Variants in WDR27 observed in about 807,000 individuals in gnomAD.
The protein encoded by WDR27 is WD repeat-containing protein 27.
In WDR27, 100 loss-of-function variants were observed where a neutral mutation model predicts 114.4. The observed-to-expected ratio is 0.87, with a 90% CI of 0.74 to 1.03. The LOEUF (loss-of-function observed/expected upper bound fraction) is 1.03, where lower values mean the gene tolerates loss of function less well. Among genes scored for constraint, WDR27 ranks in the 50% least tolerant of loss-of-function variants. The probability of loss-of-function intolerance (pLI) is 0.00; values close to 1 mark genes in which losing one functional copy is unlikely to be tolerated. For missense variants in WDR27, 1,129 were observed against 1,092.9 expected (o/e 1.03, Z -0.47); for synonymous variants, 449 against 423.1 (o/e 1.06, Z -0.75).
At chr6:169,562,500 G>C (rs1269659543) in intron 25 of WDR27, among the ~76,000 whole-genome samples, 3 of 152,168 alleles carry the variant, frequency 2.0e-5, no homozygotes, top group Non-Finnish European at 4.4e-5. Context: ...GGCAGCATAT[G>C]GGGGAGTGTA....
rs756235513 is a variant in WDR27, at chr6:169,638,587, C to T, written c.1821G>A (p.Gly607=). Residue 607 remains glycine (G), a synonymous_variant, in exon 18 of 26, where the codon GGG becomes GGA. Coordinates refer to ENST00000448612, the MANE Select transcript of WDR27 (RefSeq NM_182552.5). ...CACGAGCCGACCACATTCGCAGGGT[C>T]CCGTCCCGGGCCGCAGAGAGCAGCC... ...RRWLLSAARD[G]TLRMWSARGA... is the part of the protein sequence containing the mutation. 13 of 1,610,288 alleles carry T rather than the reference C, an allele frequency of 8.1e-6. No homozygotes were observed. The Admixed American group carries it at 1.3e-4, about 17-fold the overall frequency.
At chr6:169,586,716 G>A (rs1021225738) in intron 23 of WDR27, among the ~76,000 whole-genome samples, 8 of 151,848 alleles carry the variant, frequency 5.3e-5, no homozygotes, top group African/African-American at 1.9e-4. Flanking sequence ...GGGCGTGGTG[G>A]CACGTGCCTG....
intron 24 of WDR27, among the ~76,000 whole-genome samples, chr6:169,575,278 ATCCC>A (rs1195483646): frequency 1.8e-4 from 22 of 119,832 alleles, no homozygotes; most frequent in African/African-American, 4.9e-4. Context: ...CTCTCCATCC[ATCCC>A]TCCCTCCCTC....
chr6:169,699,161 C>T (rs1266061241), intron 1 of WDR27, among the ~76,000 whole-genome samples: 1 of 152,154 alleles, frequency 6.6e-6, no homozygotes, highest in Non-Finnish European at 1.5e-5. Context: ...AGCCAACACA[C>T]GGAATTGGAC....
At chr6:169,564,719 T>A (rs557558307) in intron 25 of WDR27, among the ~76,000 whole-genome samples, 1 of 152,078 alleles carries the variant, frequency 6.6e-6, no homozygotes, top group Non-Finnish European at 1.5e-5. Context: ...ACTCTCAGGC[T>A]CACCCATCTG....
chr6:169,429,912 A>G, the WDR27 span, among the ~76,000 whole-genome samples: 3 of 152,136 alleles, frequency 2.0e-5, no homozygotes, highest in Non-Finnish European at 4.4e-5. Flanking sequence ...TGACAGTTTT[A>G]CCAGGTATTT....
intron 25 of WDR27, among the ~76,000 whole-genome samples, chr6:169,536,945 C>T (rs1425054747): frequency 2.0e-5 from 3 of 152,212 alleles, no homozygotes; most frequent in Non-Finnish European, 4.4e-5. Context: ...CTCTACAGAG[C>T]CATGACTCAT....
chr6:169,679,234 TG>T (rs1780848896), intron 2 of WDR27, among the ~76,000 whole-genome samples: 1 of 152,202 alleles, frequency 6.6e-6, no homozygotes, highest in African/African-American at 2.4e-5. Context: ...CTGACCACCT[TG>T]GGCACACGTT....
At chr6:169,491,136 A>C (rs1434164416) in intron 25 of WDR27, among the ~76,000 whole-genome samples, 1 of 152,206 alleles carries the variant, frequency 6.6e-6, no homozygotes, top group African/African-American at 2.4e-5. Context: ...ACTAAAGAAC[A>C]CGGGCATTTA....
Position 169,523,758 on chromosome 6 carries a change from C to T in WDR27, c.2645+48661G>A, listed in dbSNP as rs183408784. Among the ~76,000 whole-genome samples the T allele has an allele frequency of 2.0e-3, 302 of 152,052 alleles. 1 individual carries two copies. Among genetic ancestry groups the T allele is most frequent in the Admixed American group, 5.2e-3 (79 of 15,274 alleles). ...AAACATCCTTTTATGATTAAAAAAACCCTCAACAAACTAGGTATAGAAGGA... is the reference window on the plus strand; with the variant it reads ...AAACATCCTTTTATGATTAAAAAAATCCTCAACAAACTAGGTATAGAAGGA... On this transcript the variant is annotated intron_variant, in intron 25 of 25. Coordinates refer to ENST00000448612, the MANE Select transcript of WDR27 (RefSeq NM_182552.5).
At chr6:169,680,837 A>C (rs1007939339) in intron 2 of WDR27, among the ~76,000 whole-genome samples, 44 of 152,260 alleles carry the variant, frequency 2.9e-4, no homozygotes, top group African/African-American at 1.1e-3. Context: ...CTTTATAATA[A>C]ATGAAGTCAG....
At chr6:169,615,900 T>C (rs144564309) in intron 21 of WDR27, among the ~76,000 whole-genome samples, 2,051 of 151,244 alleles carry the variant, frequency 0.014, 50 homozygotes, top group African/African-American at 0.048. Context: ...AGGTCTAATA[T>C]CCAGCATCTA....
At chr6:169,626,315 G>A (rs12111411) in intron 21 of WDR27, among the ~76,000 whole-genome samples, 21,154 of 152,140 alleles carry the variant, frequency 0.14, 2,006 homozygotes, top group South Asian at 0.29. Context: ...GGTGACAGAG[G>A]GGGGCTGTGC....
chr6:169,648,199 A>C (rs1172608504), intron 15 of WDR27, among the ~76,000 whole-genome samples: 1 of 152,184 alleles, frequency 6.6e-6, no homozygotes, highest in Non-Finnish European at 1.5e-5. Context: ...AATGAATTTC[A>C]CTTTCCAGTC....
At position 169,525,781 on chromosome 6, in the gene WDR27, G is replaced by A. The variant is rs1429706723; in HGVS notation, c.2645+46638C>T. The stretch of plus-strand genomic sequence containing the variant: ...AAATCAATATATCAAAGAGATACAC[G>A]CACTCTCATGTTTATTACAGAACTA... On this transcript the variant is annotated intron_variant, in intron 25 of 25. Coordinates refer to ENST00000448612, the MANE Select transcript of WDR27 (RefSeq NM_182552.5). Among the ~76,000 whole-genome samples, 10 of 152,182 alleles carry A rather than the reference G, an allele frequency of 6.6e-5. No homozygotes were observed. In the South Asian group the frequency reaches 8.3e-4, roughly 13 times the overall value.
At chr6:169,533,315 G>A (rs1383897280) in intron 25 of WDR27, among the ~76,000 whole-genome samples, 15 of 151,902 alleles carry the variant, frequency 9.9e-5, no homozygotes, top group East Asian at 1.9e-4. Flanking sequence ...GGGCGGGGGC[G>A]GTGGTGAGGT....
Position 169,647,821 on chromosome 6 carries a change from C to T in WDR27, c.1609G>A (p.Val537Ile). Residue 537 changes from valine to isoleucine, a missense_variant, in exon 16 of 26, where the codon GTC (valine) becomes ATC (isoleucine). By Grantham distance (29) the Val-to-Ile change is conservative. Transcript: ENST00000448612. ...CGTGTGCAGGTGGGGGCGGCAGCGA[C>T]CTGGGGGCCGGGCTTGGTGGGCACA... ...CAVPTKPGPQ[V>I]AAAPTCTRVC... The T allele has an allele frequency of 6.3e-7, 1 of 1,585,300 alleles. No individual in the cohort carries two copies. Among genetic ancestry groups the T allele is most frequent in the Non-Finnish European group, 8.6e-7 (1 of 1,166,824 alleles).
chr6:169,477,970 A>T (rs1787421128), intron 25 of WDR27, among the ~76,000 whole-genome samples: 1 of 152,208 alleles, frequency 6.6e-6, no homozygotes. Context: ...AATAAAAAAA[A>T]CTATTGATAC....
At chr6:169,617,247 G>A (rs750662344) in intron 21 of WDR27, among the ~76,000 whole-genome samples, 12 of 152,170 alleles carry the variant, frequency 7.9e-5, no homozygotes, top group African/African-American at 1.4e-4. Flanking sequence ...GGGAAAAGCC[G>A]GCATGTGGTG....
Sources: allele counts gnomAD v4.1 joint callset (sites outside exome capture counted in the v4.1 genomes callset), GRCh38; gene constraint gnomAD v4.1.1; transcripts MANE v1.5; gene names NCBI Gene and HGNC (gene_info 2026-07-23, HGNC 2026-07-21).